The following GALNTL6 variants were observed in gnomAD, a reference collection of about 807,000 sequenced individuals.
The protein encoded by GALNTL6 is polypeptide N-acetylgalactosaminyltransferase like 6, also known as polypeptide N-acetylgalactosaminyltransferase-like 6.
Under a neutral mutation model 73.7 loss-of-function variants are expected in GALNTL6, and 46 were observed. The observed-to-expected ratio is 0.62, with a 90% CI of 0.49 to 0.80. The LOEUF is 0.80. GALNTL6 is among the 30% of genes least tolerant of loss of function. The pLI, the probability that GALNTL6 is intolerant of heterozygous loss-of-function variation, is 0.00. For missense variants in GALNTL6, 604 were observed against 755.0 expected (o/e 0.80, Z 2.34); for synonymous variants, 259 against 263.7 (o/e 0.98, Z 0.17).
chr4:172,329,408 C>T (rs1385537032), intron 4 of GALNTL6, among the ~76,000 whole-genome samples: 1 of 152,162 alleles, frequency 6.6e-6, no homozygotes, highest in Non-Finnish European at 1.5e-5. Context: ...CTGCCATATG[C>T]TGGGTGTCCA....
rs137891761 is a variant in GALNTL6, at chr4:172,824,602, T to C, written c.923+10879T>C. On this transcript the variant is annotated intron_variant, in intron 7 of 12. Coordinates refer to ENST00000506823, the MANE Select transcript of GALNTL6 (RefSeq NM_001034845.3). ...TGCTTTTTTAAACAAAGTGGATACA[T>C]ATAAATAATAGGAGTGAAAAAGAAA... 1.2e-4 allele frequency among the ~76,000 whole-genome samples: 18 copies of C among 152,228 alleles called. No homozygotes were observed. The East Asian group carries it at 2.1e-3, about 18-fold the overall frequency.
At chr4:171,834,385 T>G (rs868397598) in intron 2 of GALNTL6, among the ~76,000 whole-genome samples, 1 of 151,952 alleles carries the variant, frequency 6.6e-6, no homozygotes, top group African/African-American at 2.4e-5. Flanking sequence ...TCATGGAGTT[T>G]TCCTTATTAC....
At chr4:172,421,878 G>A (rs1057082544) in intron 5 of GALNTL6, among the ~76,000 whole-genome samples, 2 of 151,948 alleles carry the variant, frequency 1.3e-5, no homozygotes, top group Non-Finnish European at 2.9e-5. Flanking sequence ...TTCATTCTTT[G>A]TTGTTATTTG....
chr4:172,664,903 C>T (rs1177197095), intron 5 of GALNTL6, among the ~76,000 whole-genome samples: 3 of 152,190 alleles, frequency 2.0e-5, no homozygotes, highest in Non-Finnish European at 4.4e-5. Flanking sequence ...ATCCAGACAA[C>T]AACCTGATTG....
chr4:172,543,662 G>A (rs1735654104), intron 5 of GALNTL6, among the ~76,000 whole-genome samples: 1 of 152,180 alleles, frequency 6.6e-6, no homozygotes, highest in Non-Finnish European at 1.5e-5. Flanking sequence ...GTAAGATGAG[G>A]GTAGTTTCAA....
At chr4:172,256,898 A>T (rs1016938584) in intron 3 of GALNTL6, among the ~76,000 whole-genome samples, 1 of 151,346 alleles carries the variant, frequency 6.6e-6, no homozygotes, top group Admixed American at 6.6e-5. Flanking sequence ...TCCCAGAGGA[A>T]AAAAACTTAT....
chr4:172,218,631 G>A (rs1482458953), intron 2 of GALNTL6, among the ~76,000 whole-genome samples: 2 of 152,022 alleles, frequency 1.3e-5, no homozygotes, highest in East Asian at 1.9e-4. Flanking sequence ...TTTCTAATGG[G>A]TCCAAGAAAA....
chr4:172,583,324 CTGTATATTTCCCTT>C (rs1448439295), intron 5 of GALNTL6, among the ~76,000 whole-genome samples: 1 of 152,128 alleles, frequency 6.6e-6, no homozygotes, highest in East Asian at 1.9e-4. Flanking sequence ...CTTAGTAATA[CTGTATATTTCCCTT>C]TGTTAACAGA....
chr4:172,907,571 G>A (rs1269029155), intron 8 of GALNTL6, among the ~76,000 whole-genome samples: 1 of 152,168 alleles, frequency 6.6e-6, no homozygotes, highest in African/African-American at 2.4e-5. Flanking sequence ...TAATACAGTA[G>A]ATCCCCCTTA....
intron 2 of GALNTL6, among the ~76,000 whole-genome samples, chr4:172,007,571 A>G (rs1443571544): frequency 1.3e-5 from 2 of 152,148 alleles, no homozygotes; most frequent in Non-Finnish European, 1.5e-5. Context: ...GTGAAAAAGA[A>G]AATTAATTAA....
chr4:172,165,634 G>C (rs1734599288), intron 2 of GALNTL6, among the ~76,000 whole-genome samples: 1 of 152,116 alleles, frequency 6.6e-6, no homozygotes, highest in Non-Finnish European at 1.5e-5. Flanking sequence ...ATGGGAATTG[G>C]AATCCTGGTG....
intron 5 of GALNTL6, among the ~76,000 whole-genome samples, chr4:172,785,809 T>C (rs889027519): frequency 7.2e-5 from 11 of 152,160 alleles, no homozygotes; most frequent in Non-Finnish European, 1.2e-4. Context: ...CAATCATCTG[T>C]TTAGTTAAGG....
At chr4:171,828,696 T>C (rs1316639119) in intron 2 of GALNTL6, among the ~76,000 whole-genome samples, 2 of 152,176 alleles carry the variant, frequency 1.3e-5, no homozygotes, top group Non-Finnish European at 2.9e-5. Flanking sequence ...CTCTGCTTAC[T>C]GCAACTTCTT....
At chr4:172,007,987 G>A (rs189258276) in intron 2 of GALNTL6, among the ~76,000 whole-genome samples, 28 of 151,756 alleles carry the variant, frequency 1.8e-4, no homozygotes, top group Non-Finnish European at 3.7e-4. Flanking sequence ...TTTCTGCTGT[G>A]TCTAGACATT....
intron 5 of GALNTL6, among the ~76,000 whole-genome samples, chr4:172,540,439 A>AT (rs1735510780): frequency 6.6e-6 from 1 of 152,042 alleles, no homozygotes; most frequent in Admixed American, 6.5e-5. Flanking sequence ...ATCTTCTCCT[A>AT]TTAATGCAAA....
chr4:172,465,712 C>A (rs1181076494), intron 5 of GALNTL6, among the ~76,000 whole-genome samples: 1 of 152,128 alleles, frequency 6.6e-6, no homozygotes, highest in Non-Finnish European at 1.5e-5. Flanking sequence ...ATCTTACATA[C>A]CTGGTCTTTG....
chr4:172,134,966 A>C (rs1005903796), intron 2 of GALNTL6, among the ~76,000 whole-genome samples: 3 of 152,164 alleles, frequency 2.0e-5, no homozygotes, highest in Non-Finnish European at 4.4e-5. Flanking sequence ...AGCCGCACCT[A>C]ACTACAAAGA....
At chr4:172,516,469 T>C (rs922351274) in intron 5 of GALNTL6, among the ~76,000 whole-genome samples, 6 of 152,204 alleles carry the variant, frequency 3.9e-5, no homozygotes, top group Non-Finnish European at 8.8e-5. Context: ...TTTATATCAT[T>C]GTCCTCCAAA....
intron 2 of GALNTL6, among the ~76,000 whole-genome samples, chr4:171,896,380 C>T (rs1736918524): frequency 6.6e-6 from 1 of 152,138 alleles, no homozygotes; most frequent in Non-Finnish European, 1.5e-5. Context: ...ATAAATTGAC[C>T]TACATGGTGC....
Sources: allele counts gnomAD v4.1 joint callset (sites outside exome capture counted in the v4.1 genomes callset), GRCh38; gene constraint gnomAD v4.1.1; transcripts MANE v1.5; gene names NCBI Gene and HGNC (gene_info 2026-07-23, HGNC 2026-07-21).